DUSP16: variants seen among roughly 807,000 people sequenced by gnomAD.
DUSP16 encodes the protein dual specificity phosphatase 16.
In DUSP16, 21 loss-of-function variants were observed where a neutral mutation model predicts 58.3. The ratio of observed to expected loss-of-function variants is 0.36; its 90% CI spans 0.26 to 0.52. The LOEUF (loss-of-function observed/expected upper bound fraction) is 0.52, where lower values mean the gene tolerates loss of function less well. Ranked by LOEUF, DUSP16 falls within the 20% of genes least tolerant of loss-of-function variation. The pLI, the probability that DUSP16 is intolerant of heterozygous loss-of-function variation, is 0.94. For synonymous variants in DUSP16, 320 were observed against 323.8 expected (o/e 0.99, Z 0.12); for missense variants, 726 against 819.0 (o/e 0.89, Z 1.39).
chr12:12,531,573 GA>G (rs61404997), intron 1 of DUSP16, among the ~76,000 whole-genome samples: 2 of 152,186 alleles, frequency 1.3e-5, no homozygotes, highest in Non-Finnish European at 2.9e-5. Flanking sequence ...ACATATGCAT[GA>G]AAAAAGTCTA....
chr12:12,509,629 T>TA (rs1374864810), intron 3 of DUSP16, among the ~76,000 whole-genome samples: 3 of 152,216 alleles, frequency 2.0e-5, no homozygotes, highest in Non-Finnish European at 4.4e-5. Context: ...TGACCCGTCT[T>TA]ACTTCTCCAG....
In DUSP16 at chr12:12,519,853, G is replaced by T. The variant is rs745827444; in HGVS notation, c.367+9C>A. 6.2e-7 allele frequency: 1 copy of T among 1,613,632 alleles called. No individual in the cohort carries two copies. The highest frequency in any genetic ancestry group is 2.2e-5 in the East Asian group (1 of 44,880). On this transcript the variant is annotated intron_variant, in intron 3 of 6. Coordinates refer to ENST00000298573, the MANE Select transcript of DUSP16 (RefSeq NM_030640.3). The stretch of plus-strand genomic sequence containing the variant: ...TTCTGAGTCCTTTTAATTCCATCAC[G>T]AGCCTTACCTGCAAGCAGGTGAACA...
chr12:12,486,805 T>G (rs779853107), intron 5 of DUSP16, among the ~76,000 whole-genome samples: 16 of 152,174 alleles, frequency 1.1e-4, no homozygotes, highest in African/African-American at 2.2e-4. Context: ...CTTGGTGGTG[T>G]TAAATGTTAG....
chr12:12,537,027 G>C (rs893463621), intron 1 of DUSP16, among the ~76,000 whole-genome samples: 1 of 152,134 alleles, frequency 6.6e-6, no homozygotes, highest in African/African-American at 2.4e-5. Context: ...TGGGCAACAA[G>C]AGCAAAACTC....
At chr12:12,543,238 G>A (rs1055610260) in intron 1 of DUSP16, among the ~76,000 whole-genome samples, 1 of 152,138 alleles carries the variant, frequency 6.6e-6, no homozygotes, top group Non-Finnish European at 1.5e-5. Context: ...CAGGTTTACT[G>A]GGGTTGACAA....
chr12:12,544,995 C>T (rs754464437), intron 1 of DUSP16, among the ~76,000 whole-genome samples: 1 of 152,160 alleles, frequency 6.6e-6, no homozygotes, highest in Non-Finnish European at 1.5e-5. Context: ...ATTTATTCCA[C>T]ACTGTATATT....
intron 1 of DUSP16, among the ~76,000 whole-genome samples, chr12:12,535,315 A>G (rs1009017122): frequency 6.6e-6 from 1 of 152,248 alleles, no homozygotes; most frequent in African/African-American, 2.4e-5. Context: ...TATCCCATAG[A>G]AGAAGATAAA....
intron 1 of DUSP16, among the ~76,000 whole-genome samples, chr12:12,535,345 A>G (rs998881644): frequency 5.9e-5 from 9 of 152,216 alleles, no homozygotes; most frequent in Non-Finnish European, 1.2e-4. Context: ...GTCTAAGGGG[A>G]AAAAAATTTT....
At chr12:12,508,811 A>G (rs1402850367) in intron 3 of DUSP16, among the ~76,000 whole-genome samples, 2 of 152,234 alleles carry the variant, frequency 1.3e-5, no homozygotes, top group African/African-American at 4.8e-5. Context: ...TGCAACAGTT[A>G]TGACATACAC....
intron 3 of DUSP16, among the ~76,000 whole-genome samples, chr12:12,507,232 TA>T (rs1388208034): frequency 2.0e-5 from 3 of 152,228 alleles, no homozygotes; most frequent in Non-Finnish European, 4.4e-5. Flanking sequence ...CTGATATTCT[TA>T]AAATGTTTTT....
At chr12:12,491,897 C>T (rs1169716451) in intron 4 of DUSP16, among the ~76,000 whole-genome samples, 1 of 152,190 alleles carries the variant, frequency 6.6e-6, no homozygotes, top group East Asian at 1.9e-4. Context: ...TGCAGGAGGA[C>T]CTACAGTCTG....
chr12:12,489,684 TAA>T (rs1943735929), intron 4 of DUSP16, among the ~76,000 whole-genome samples: 1 of 152,220 alleles, frequency 6.6e-6, no homozygotes, highest in Non-Finnish European at 1.5e-5. Flanking sequence ...CAGGAAATTC[TAA>T]GAGAAAACAT....
intron 3 of DUSP16, among the ~76,000 whole-genome samples, chr12:12,519,278 T>C (rs1039190186): frequency 6.6e-6 from 1 of 152,200 alleles, no homozygotes; most frequent in Non-Finnish European, 1.5e-5. Flanking sequence ...ATTTCTACGT[T>C]GAGACTTTTT....
At chr12:12,495,236 CAAAAAAAA>C (rs10555943) in intron 4 of DUSP16, among the ~76,000 whole-genome samples, 1 of 98,944 alleles carries the variant, frequency 1.0e-5, no homozygotes, top group Non-Finnish European at 2.1e-5. Flanking sequence ...AAAGCCATTA[CAAAAAAAA>C]AAAAAAAAAA....
intron 1 of DUSP16, among the ~76,000 whole-genome samples, chr12:12,533,129 CT>C (rs1331743832): frequency 1.3e-5 from 2 of 152,078 alleles, no homozygotes; most frequent in African/African-American, 4.8e-5. Flanking sequence ...TGAAGCTAGA[CT>C]TTAAAAATAG....
Position 12,543,798 on chromosome 12 carries a change from T to C in DUSP16, c.-366+18319A>G, listed in dbSNP as rs546827435. 1.2e-4 allele frequency among the ~76,000 whole-genome samples: 18 copies of C among 152,194 alleles called. No homozygotes were observed. The East Asian group carries it at 2.5e-3, about 21-fold the overall frequency. On this transcript the variant is annotated intron_variant, in intron 1 of 6. Coordinates refer to ENST00000298573, the MANE Select transcript of DUSP16 (RefSeq NM_030640.3). Reference sequence around the variant, plus strand: ...AAAAAACTCAAGAAGCCTAGGAATGTTTGGATTTGGTTAAGAAAGAAGCTA... The same window carrying C: ...AAAAAACTCAAGAAGCCTAGGAATGCTTGGATTTGGTTAAGAAAGAAGCTA...
At chr12:12,529,914 C>T (rs75815877) in intron 1 of DUSP16, among the ~76,000 whole-genome samples, 7 of 152,206 alleles carry the variant, frequency 4.6e-5, no homozygotes, top group African/African-American at 1.7e-4. Flanking sequence ...ATATATACCA[C>T]GTTTTCTTTA....
intron 1 of DUSP16, among the ~76,000 whole-genome samples, chr12:12,545,492 G>A (rs1482059841): frequency 1.3e-5 from 2 of 149,302 alleles, no homozygotes; most frequent in African/African-American, 5.0e-5. Context: ...ATGTTTACCA[G>A]GCTAGTCTCA....
intron 4 of DUSP16, among the ~76,000 whole-genome samples, chr12:12,494,588 A>G (rs1018731714): frequency 2.0e-5 from 3 of 152,188 alleles, no homozygotes; most frequent in Admixed American, 1.3e-4. Flanking sequence ...TATAATGGGA[A>G]CTAAAATTGT....
Sources: allele counts gnomAD v4.1 joint callset (sites outside exome capture counted in the v4.1 genomes callset), GRCh38; gene constraint gnomAD v4.1.1; transcripts MANE v1.5; gene names NCBI Gene and HGNC (gene_info 2026-07-23, HGNC 2026-07-21).